The following CNTN2 variants were observed in gnomAD, a reference collection of about 807,000 sequenced individuals.
CNTN2 encodes the protein contactin-2.
CNTN2 carries 53 observed loss-of-function variants against 117.5 expected under a neutral mutation model. The ratio of observed to expected loss-of-function variants is 0.45; its 90% CI spans 0.36 to 0.57. The LOEUF (loss-of-function observed/expected upper bound fraction) is 0.57, where lower values mean the gene tolerates loss of function less well. Among genes scored for constraint, CNTN2 ranks in the 20% least tolerant of loss-of-function variants. CNTN2 has a pLI of 0.00. For synonymous variants in CNTN2, 530 were observed against 561.7 expected, an observed-to-expected ratio of 0.94 and a Z score of 0.80; for missense variants, 1,106 against 1,404.3, an observed-to-expected ratio of 0.79 and a Z score of 3.39.
Position 205,062,551 on chromosome 1 carries a change from G to A in CNTN2, c.1222G>A (p.Ala408Thr), listed in dbSNP as rs1654048341. 5.6e-6 allele frequency: 9 copies of A among 1,613,390 alleles called. No homozygotes were observed. The highest frequency in any genetic ancestry group is 7.6e-6 in the Non-Finnish European group (9 of 1,179,608). Residue 408 changes from alanine to threonine, a missense_variant, in exon 10 of 23, where the codon GCC (alanine) becomes ACC (threonine). By Grantham distance (58) the Ala-to-Thr change is moderately conservative. Transcript: ENST00000331830. ...TAAGCACGGTACCATCTACGCCAGC[G>A]CCGAGCTAGCCGTGCAAGGTAAGGG... ...ENKHGTIYAS[A>T]ELAVQALAPD...
Position 205,061,228 on chromosome 1 carries a change from T to G in CNTN2, c.798-17T>G. 6.3e-7 allele frequency: 1 copy of G among 1,595,706 alleles called. No homozygotes were observed. The highest frequency in any genetic ancestry group is 8.6e-7 in the Non-Finnish European group (1 of 1,167,924). ...CCCAGCTCAGCCCACACCCTCTGGC[T>G]TTGTCTCTCCTGCCAGCCCTGTCCC... On this transcript the variant is annotated splice_polypyrimidine_tract_variant and intron_variant, in intron 7 of 22. Coordinates refer to ENST00000331830, the MANE Select transcript of CNTN2 (RefSeq NM_005076.5). This position sits in a 1 kb window ranked among gnomAD's most constrained non-coding sequence, Gnocchi z 4.8.
In CNTN2 at chr1:205,070,093, T is replaced by C. The variant is rs576877896; in HGVS notation, c.2431+32T>C. 5 of 1,596,328 alleles carry C rather than the reference T, an allele frequency of 3.1e-6. No individual in the cohort carries two copies. The South Asian group carries it at 3.3e-5, about 11-fold the overall frequency. On this transcript the variant is annotated intron_variant, in intron 18 of 22. Coordinates refer to ENST00000331830, the MANE Select transcript of CNTN2 (RefSeq NM_005076.5). ...TGCCCCTGGGCCCCCTGCTCGTCCC[T>C]ACCCCAGCCACTTGTCCACAGGGAT...
chr1:205,044,374 A>G (rs1189200379), intron 1 of CNTN2, among the ~76,000 whole-genome samples: 1 of 150,416 alleles, frequency 6.6e-6, no homozygotes, highest in African/African-American at 2.5e-5. Context: ...GGCAGTGCCT[A>G]TGGAAGGGGA....
intron 2 of CNTN2, chr1:205,057,631 A>G: frequency 3.4e-6 from 1 of 291,552 alleles, no homozygotes; most frequent in East Asian, 6.8e-5. Flanking sequence ...ACCTAAGTGT[A>G]GGATGGGTGA....
In CNTN2 at chr1:205,062,505, G is replaced by A; in HGVS notation, c.1176G>A (p.Met392Ile). ...FSKLSLEDSGMYQCVAENKHG... is the reference protein window; with the variant it reads ...FSKLSLEDSGIYQCVAENKHG... ...AGCTGAGCCTGGAAGACTCGGGCATGTACCAGTGTGTGGCAGAGAATAAGC... is the reference window on the plus strand; with the variant it reads ...AGCTGAGCCTGGAAGACTCGGGCATATACCAGTGTGTGGCAGAGAATAAGC... Residue 392 changes from methionine (M) to isoleucine (I), a missense_variant, in exon 10 of 23, where the codon ATG becomes ATA. Met to Ile is a conservative substitution (Grantham distance 10). Coordinates refer to ENST00000331830, the MANE Select transcript of CNTN2 (RefSeq NM_005076.5). The A allele has an allele frequency of 6.2e-7, 1 of 1,614,108 alleles. No individual in the cohort carries two copies. Among genetic ancestry groups the A allele is most frequent in the Non-Finnish European group, 8.5e-7 (1 of 1,179,996 alleles).
chr1:205,066,466 G>A lies in CNTN2; in HGVS notation c.1842G>A (p.Val614=), dbSNP rs1336798457. 6.2e-7 allele frequency: 1 copy of A among 1,614,058 alleles called. No homozygotes were observed. Among genetic ancestry groups the A allele is most frequent in the Non-Finnish European group, 8.5e-7 (1 of 1,180,030 alleles). Residue 614 remains valine, a synonymous_variant, in exon 15 of 23, where the codon GTG becomes GTA. Transcript: ENST00000331830. ...GTCCGCCAGGTCCCCCAGGAGGTGT[G>A]GTGGTGAGGGACATTGGCGACACCA... ...VRGPPGPPGG[V]VVRDIGDTTI...
Position 205,058,621 on chromosome 1 carries a change from T to A in CNTN2, c.445T>A (p.Trp149Arg). The change falls in exon 5 of 23, where the codon TGG becomes AGG. Residue 149 changes from tryptophan (W) to arginine (R), a missense_variant. Physicochemically the swap from Trp to Arg is moderately radical, Grantham distance 101. Transcript: ENST00000331830. This position sits in a 1 kb window ranked among gnomAD's most constrained non-coding sequence, Gnocchi z 4.3. ...ERDPVKAHEG[W>R]GVMLPCNPPA... Reference sequence around the variant, plus strand: ...AGACCCAGTGAAAGCTCATGAAGGCTGGGGGGTGATGTTGCCCTGTAACCC... The same window carrying A: ...AGACCCAGTGAAAGCTCATGAAGGCAGGGGGGTGATGTTGCCCTGTAACCC... 6.2e-7 allele frequency: 1 copy of A among 1,613,878 alleles called. No individual in the cohort carries two copies. The highest frequency in any genetic ancestry group is 1.1e-5 in the South Asian group (1 of 91,044).
chr1:205,075,080 C>T lies in CNTN2; in HGVS notation c.*1315C>T, dbSNP rs774192837. The stretch of plus-strand genomic sequence containing the variant: ...GTGGTCCAGAGAGGGTCTGGGATTC[C>T]CAAGGTCACACAGCCCAGAAGAGAT... On this transcript the variant is annotated 3_prime_UTR_variant, in exon 23 of 23. Transcript: ENST00000331830. The T allele has an allele frequency of 2.8e-4, 110 of 395,772 alleles. No individual in the cohort carries two copies. Among genetic ancestry groups the T allele is most frequent in the Non-Finnish European group, 4.1e-4 (93 of 224,880 alleles). 24.5% of individuals were successfully genotyped at this position (395,772 alleles called of 1,614,324 possible). A position where few individuals can be genotyped will look rare whatever the true frequency, so the allele number is the denominator to read the frequency against.
Position 205,077,452 on chromosome 1 carries a change from A to G in CNTN2, c.*3687A>G, listed in dbSNP as rs1654916156. 1 of 152,260 alleles carries G rather than the reference A, an allele frequency of 6.6e-6. No individual in the cohort carries two copies. The highest frequency in any genetic ancestry group is 2.1e-4 in the South Asian group (1 of 4,834). 9.4% of individuals were successfully genotyped at this position (152,260 alleles called of 1,614,324 possible). ...TATCCTCAAACCTGTGGCCACTGGC[A>G]TGACAGTGGTGCTCTGTCTCCCTGG... On this transcript the variant is annotated 3_prime_UTR_variant, in exon 23 of 23. Coordinates refer to ENST00000331830, the MANE Select transcript of CNTN2 (RefSeq NM_005076.5).
chr1:205,049,279 C>T (rs1013395207), intron 1 of CNTN2, among the ~76,000 whole-genome samples: 1 of 112,944 alleles, frequency 8.9e-6, no homozygotes, highest in African/African-American at 3.5e-5. Flanking sequence ...GTCCTCACAC[C>T]CGACACACAC....
Position 205,073,221 on chromosome 1 carries a change from A to G in CNTN2, c.2998A>G (p.Ile1000Val), listed in dbSNP as rs1654686449. Residue 1000 changes from isoleucine (I) to valine (V), a missense_variant, in exon 22 of 23, where the codon ATC becomes GTC. By Grantham distance (29) the Ile-to-Val change is conservative. Transcript: ENST00000331830. This position sits in a 1 kb window ranked among gnomAD's most constrained non-coding sequence, Gnocchi z 6.3. ...GGATGGGATCCCTGCAGAAGTCCAC[A>G]TCGTGAGGAATGGAGGTGCTGCTCC... is the stretch of plus-strand genomic sequence containing the variant. Reference protein sequence around the residue: ...GGDGIPAEVHIVRNGGTSMMV... With the variant: ...GGDGIPAEVHVVRNGGTSMMV... 2 of 1,613,972 alleles carry G rather than the reference A, an allele frequency of 1.2e-6. No homozygotes were observed. Among genetic ancestry groups the G allele is most frequent in the South Asian group, 1.1e-5 (1 of 91,074 alleles).
In CNTN2 at chr1:205,073,211, A is replaced by C; in HGVS notation, c.2988A>C (p.Ala996=). The C allele has an allele frequency of 6.2e-7, 1 of 1,614,048 alleles. No homozygotes were observed. The highest frequency in any genetic ancestry group is 1.3e-5 in the African/African-American group (1 of 74,998). ...GGCCCGGAGGGGATGGGATCCCTGC[A>C]GAAGTCCACATCGTGAGGAATGGAG... ...TTGPGGDGIP[A]EVHIVRNGGT... Residue 996 remains alanine (A), a synonymous_variant, in exon 22 of 23, where the codon GCA becomes GCC. Transcript: ENST00000331830. The surrounding 1 kb of genome is among the most constrained non-coding windows in gnomAD (Gnocchi z 6.3).
chr1:205,051,086 G>GC (rs1422597437), intron 1 of CNTN2, among the ~76,000 whole-genome samples: 1 of 152,238 alleles, frequency 6.6e-6, no homozygotes. Flanking sequence ...GTGTGCCCAC[G>GC]CATGTGTTCA....
Position 205,074,777 on chromosome 1 carries a change from C to A in CNTN2, c.*1012C>A. The A allele has an allele frequency of 7.5e-6, 3 of 398,800 alleles. No homozygotes were observed. The highest frequency in any genetic ancestry group is 1.3e-5 in the Non-Finnish European group (3 of 226,184). The allele number at this position is 398,800 out of a possible 1,614,324, so 24.7% of individuals were successfully genotyped here. On this transcript the variant is annotated 3_prime_UTR_variant, in exon 23 of 23. Coordinates refer to ENST00000331830, the MANE Select transcript of CNTN2 (RefSeq NM_005076.5). ...CTCACTCCTGCCTGGGAGGGGAATG[C>A]AGCATTCATGCTGTGTGTCCTGGTA... is the stretch of plus-strand genomic sequence containing the variant.
At chr1:205,057,213 G>C (rs1430266747) in intron 2 of CNTN2, 2 of 152,186 alleles carry the variant, frequency 1.3e-5, no homozygotes, top group Admixed American at 1.3e-4. Context: ...CACAGGTGAA[G>C]ATACTGAGGC....
intron 17 of CNTN2, 124 bp downstream of exon 17, chr1:205,069,685 G>C (rs1311649216): frequency 7.2e-7 from 1 of 1,386,426 alleles, no homozygotes; most frequent in Non-Finnish European, 1.0e-6. Context: ...CCCCTTCCAC[G>C]CACCCGCTGC....
At chr1:205,072,180 T>C in intron 20 of CNTN2, 47 bp downstream of exon 20, 1 of 1,527,488 alleles carries the variant, frequency 6.5e-7, no homozygotes, top group Non-Finnish European at 8.8e-7. Context: ...TTTTGGAGGG[T>C]GGGTGCCTCT....
At position 205,064,341 on chromosome 1, in the gene CNTN2, G is replaced by A; in HGVS notation, c.1260G>A (p.Arg420=). ...TTCTAGCACTCGCCCCTGACTTCAG[G>A]CTGAATCCCGTGAGGCGTCTGATCC... ...LAVQALAPDF[R]LNPVRRLIPA... The change falls in exon 11 of 23, where the codon AGG becomes AGA. Residue 420 remains arginine, a synonymous_variant. Transcript: ENST00000331830. 1 of 1,591,192 alleles carries A rather than the reference G, an allele frequency of 6.3e-7. No homozygotes were observed. The highest frequency in any genetic ancestry group is 8.6e-7 in the Non-Finnish European group (1 of 1,164,482).
Position 205,048,417 on chromosome 1 carries a change from C to T in CNTN2, c.-86-4683C>T, listed in dbSNP as rs2096445624. On this transcript the variant is annotated intron_variant, in intron 1 of 22. Transcript: ENST00000331830. This position sits in a 1 kb window ranked among gnomAD's most constrained non-coding sequence, Gnocchi z 4.1. ...GGGACTGACAATTCAGCCAACTCCC[C>T]CTGGTGCCCCCGAACCCCCCAGTGG... is the stretch of plus-strand genomic sequence containing the variant. Among the ~76,000 whole-genome samples the T allele has an allele frequency of 6.6e-6, 1 of 152,160 alleles. No individual in the cohort carries two copies. Among genetic ancestry groups the T allele is most frequent in the South Asian group, 2.1e-4 (1 of 4,836 alleles).
Sources: allele counts gnomAD v4.1 joint callset (sites outside exome capture counted in the v4.1 genomes callset), GRCh38; gene constraint gnomAD v4.1.1; non-coding constraint Gnocchi (gnomAD v3.1); transcripts MANE v1.5; gene names NCBI Gene and HGNC (gene_info 2026-07-23, HGNC 2026-07-21).